Variants in SERPINB7 observed in about 807,000 individuals in gnomAD.
The protein encoded by SERPINB7 is serpin family B member 7.
SERPINB7 carries 31 observed loss-of-function variants against 37.4 expected under a neutral mutation model. The ratio of observed to expected loss-of-function variants is 0.83; its 90% CI spans 0.62 to 1.12. SERPINB7 has a LOEUF of 1.12. SERPINB7 is among the 50% of genes most tolerant of loss of function. The pLI is 0.00. For missense variants in SERPINB7, 521 were observed against 455.3 expected (o/e 1.14, Z -1.31); for synonymous variants, 163 against 166.1 (o/e 0.98, Z 0.14).
At chr18:63,776,936 A>ATC (rs1335805278) in intron 1 of SERPINB7, among the ~76,000 whole-genome samples, 1 of 152,000 alleles carries the variant, frequency 6.6e-6, no homozygotes, top group Non-Finnish European at 1.5e-5. Context: ...ATTCTAACGC[A>ATC]TCTCTCTCTC....
intron 1 of SERPINB7, among the ~76,000 whole-genome samples, chr18:63,760,295 A>C (rs1479933355): frequency 2.0e-5 from 3 of 152,186 alleles, no homozygotes; most frequent in African/African-American, 7.2e-5. Flanking sequence ...GAAACTTTGA[A>C]CTTGAAAATG....
At chr18:63,784,560 T>C (rs893937653) in intron 2 of SERPINB7, among the ~76,000 whole-genome samples, 9 of 152,190 alleles carry the variant, frequency 5.9e-5, no homozygotes, top group African/African-American at 2.2e-4. Context: ...CAAATAAAAA[T>C]TTATTCATTC....
chr18:63,800,988 G>A lies in SERPINB7; in HGVS notation c.720G>A (p.Leu240=). Residue 240 remains leucine (L), a synonymous_variant, in exon 7 of 8, where the codon CTG becomes CTA. Transcript: ENST00000398019. The part of the protein sequence containing the change: ...RYNGGINMYV[L]LPENDLSEIE... ...ATGGTGGCATAAACATGTACGTTCTGCTGCCTGAGAATGACCTCTCTGAAG... is the reference window on the plus strand; with the variant it reads ...ATGGTGGCATAAACATGTACGTTCTACTGCCTGAGAATGACCTCTCTGAAG... 1 of 1,613,768 alleles carries A rather than the reference G, an allele frequency of 6.2e-7. No individual in the cohort carries two copies. The highest frequency in any genetic ancestry group is 1.1e-5 in the South Asian group (1 of 91,024).
intron 6 of SERPINB7, among the ~76,000 whole-genome samples, chr18:63,799,587 T>C (rs1325786957): frequency 6.6e-6 from 1 of 152,178 alleles, no homozygotes; most frequent in African/African-American, 2.4e-5. Flanking sequence ...TTCTATCATA[T>C]TAAAAATTGG....
At chr18:63,788,861 T>C (rs905780425) in intron 2 of SERPINB7, among the ~76,000 whole-genome samples, 4 of 152,210 alleles carry the variant, frequency 2.6e-5, no homozygotes, top group Admixed American at 6.5e-5. Context: ...TTGGGAGCAA[T>C]AGGCTATACC....
chr18:63,794,418 C>T (rs925501823), intron 4 of SERPINB7, among the ~76,000 whole-genome samples: 3 of 151,984 alleles, frequency 2.0e-5, no homozygotes, highest in African/African-American at 4.8e-5. Context: ...ACTCTTTGTG[C>T]GGTGGCTCAC....
intron 7 of SERPINB7, among the ~76,000 whole-genome samples, chr18:63,803,420 A>G (rs1028929925): frequency 5.3e-5 from 8 of 152,218 alleles, no homozygotes; most frequent in Non-Finnish European, 2.9e-5. Flanking sequence ...TTGAGCCTGA[A>G]TTTAGGAAGA....
At chr18:63,795,588 A>AAG (rs1555695596) in intron 4 of SERPINB7, among the ~76,000 whole-genome samples, 108 of 151,870 alleles carry the variant, frequency 7.1e-4, no homozygotes, top group African/African-American at 2.4e-3. Flanking sequence ...AAAAAAAAAA[A>AAG]AAAAGAAAAG....
intron 1 of SERPINB7, among the ~76,000 whole-genome samples, chr18:63,758,061 C>CTG (rs1177585185): frequency 3.3e-5 from 5 of 152,304 alleles, no homozygotes; most frequent in Middle Eastern, 3.4e-3. Context: ...CTGTATCTCT[C>CTG]TGTGTCTCTC....
intron 1 of SERPINB7, among the ~76,000 whole-genome samples, chr18:63,756,016 G>T (rs2049119805): frequency 6.6e-6 from 1 of 151,550 alleles, no homozygotes; most frequent in African/African-American, 2.4e-5. Context: ...TAGTAACAAT[G>T]TTCATTGATA....
At chr18:63,766,690 A>G (rs2144590603) in intron 1 of SERPINB7, among the ~76,000 whole-genome samples, 1 of 152,212 alleles carries the variant, frequency 6.6e-6, no homozygotes, top group African/African-American at 2.4e-5. Flanking sequence ...AAACAAGATG[A>G]CTTATGATCT....
chr18:63,786,068 AC>A (rs2144619683), intron 2 of SERPINB7, among the ~76,000 whole-genome samples: 1 of 69,370 alleles, frequency 1.4e-5, no homozygotes, highest in African/African-American at 4.5e-5. Context: ...TATATAATAT[AC>A]TTATATATAC....
chr18:63,791,941 A>G (rs1035786861), intron 2 of SERPINB7, among the ~76,000 whole-genome samples: 1 of 152,188 alleles, frequency 6.6e-6, no homozygotes, highest in Non-Finnish European at 1.5e-5. Flanking sequence ...ACATCATTGT[A>G]TAGTGAAGAA....
chr18:63,756,448 C>A (rs1415512249), intron 1 of SERPINB7, among the ~76,000 whole-genome samples: 3 of 152,182 alleles, frequency 2.0e-5, no homozygotes, highest in Non-Finnish European at 4.4e-5. Flanking sequence ...TAGTTCCAGA[C>A]TCATGTGCAG....
chr18:63,756,124 T>G (rs2049120875), intron 1 of SERPINB7, among the ~76,000 whole-genome samples: 1 of 151,938 alleles, frequency 6.6e-6, no homozygotes, highest in Non-Finnish European at 1.5e-5. Flanking sequence ...CACACTCATA[T>G]ATGTAATATA....
At chr18:63,776,561 G>T (rs1403516845) in intron 1 of SERPINB7, among the ~76,000 whole-genome samples, 2 of 151,116 alleles carry the variant, frequency 1.3e-5, no homozygotes, top group African/African-American at 4.9e-5. Flanking sequence ...TTTGTGGTCA[G>T]AAACCTTCTT....
intron 2 of SERPINB7, among the ~76,000 whole-genome samples, chr18:63,790,977 T>C (rs945592092): frequency 2.0e-5 from 3 of 152,244 alleles, no homozygotes; most frequent in Non-Finnish European, 4.4e-5. Context: ...GATGAGTTCA[T>C]GTCCTTTGCA....
chr18:63,776,923 T>C (rs1157952579), intron 1 of SERPINB7, among the ~76,000 whole-genome samples: 1 of 152,086 alleles, frequency 6.6e-6, no homozygotes, highest in Non-Finnish European at 1.5e-5. Context: ...ATGTGTTCAA[T>C]ATATTCTAAC....
intron 1 of SERPINB7, among the ~76,000 whole-genome samples, chr18:63,769,877 A>C (rs1040829924): frequency 1.3e-5 from 2 of 151,362 alleles, no homozygotes; most frequent in East Asian, 3.9e-4. Context: ...CAAACCCTCT[A>C]CCTGGGAGGG....
Sources: allele counts gnomAD v4.1 joint callset (sites outside exome capture counted in the v4.1 genomes callset), GRCh38; gene constraint gnomAD v4.1.1; transcripts MANE v1.5; gene names NCBI Gene and HGNC (gene_info 2026-07-23, HGNC 2026-07-21).